Variants in GYPC observed in about 807,000 individuals in gnomAD.
GYPC encodes the protein glycophorin C (Gerbich blood group), also known as glycophorin-C.
A neutral mutation model predicts 12.6 loss-of-function variants in GYPC; 14 were observed. The observed-to-expected ratio is 1.11, with a 90% CI of 0.74 to 1.74. The LOEUF is 1.74. GYPC is among the 40% of genes most tolerant of loss of function. The pLI is 0.00. For missense variants in GYPC, 225 were observed against 172.1 expected, an observed-to-expected ratio of 1.31 and a Z score of -1.72; for synonymous variants, 78 against 62.1, an observed-to-expected ratio of 1.26 and a Z score of -1.20.
At chr2:126,682,600 C>T (rs772670088) in intron 1 of GYPC, among the ~76,000 whole-genome samples, 1 of 152,194 alleles carries the variant, frequency 6.6e-6, no homozygotes, top group Non-Finnish European at 1.5e-5. Flanking sequence ...TCTCCTTCCA[C>T]TTCCGCTGTG....
intron 1 of GYPC, among the ~76,000 whole-genome samples, chr2:126,665,322 T>A (rs1682648479): frequency 6.6e-6 from 1 of 152,222 alleles, no homozygotes; most frequent in Non-Finnish European, 1.5e-5. Context: ...TTTACTTCAT[T>A]ATTCATTGTT....
At chr2:126,686,735 T>C (rs1180533155) in intron 1 of GYPC, 1 of 977,290 alleles carries the variant, frequency 1.0e-6, no homozygotes, top group Admixed American at 6.1e-5. Context: ...TTCCAAAAAA[T>C]AGGTCCTCTC....
chr2:126,666,708 TACACAC>T (rs67904410), intron 1 of GYPC, among the ~76,000 whole-genome samples: 1,776 of 118,522 alleles, frequency 0.015, 69 homozygotes, highest in African/African-American at 0.052. Context: ...CCTCCCTCCC[TACACAC>T]ACACACACAC....
At chr2:126,695,706 G>A (rs1264136003) in intron 3 of GYPC, among the ~76,000 whole-genome samples, 1 of 152,212 alleles carries the variant, frequency 6.6e-6, no homozygotes, top group Admixed American at 6.5e-5. Context: ...GCCTGCTTAA[G>A]GTAGGCTAGG....
chr2:126,693,581 G>T (rs576159285), intron 2 of GYPC, among the ~76,000 whole-genome samples: 1 of 152,178 alleles, frequency 6.6e-6, no homozygotes, highest in Non-Finnish European at 1.5e-5. Context: ...ACCACGTGCA[G>T]CACCACTCTC....
chr2:126,664,194 A>C (rs535474042), intron 1 of GYPC, among the ~76,000 whole-genome samples: 1 of 152,182 alleles, frequency 6.6e-6, no homozygotes, highest in South Asian at 2.1e-4. Flanking sequence ...CCCTTTTTAA[A>C]AAATTTTCAT....
intron 1 of GYPC, among the ~76,000 whole-genome samples, chr2:126,666,848 C>T (rs1217137156): frequency 2.6e-5 from 4 of 152,140 alleles, no homozygotes; most frequent in Non-Finnish European, 5.9e-5. Context: ...AGCCCCAGAC[C>T]TGAGGCAGAC....
At position 126,690,142 on chromosome 2, in the gene GYPC, A is replaced by G. The variant is rs28387202; in HGVS notation, c.50-113A>G. The stretch of plus-strand genomic sequence containing the variant: ...GCACCACACTGTCTCTGTCCACTTG[A>G]ACCCATTCTCAGAGCTGCTCACACC... On this transcript the variant is annotated intron_variant, in intron 1 of 3. Transcript: ENST00000259254. The G allele has an allele frequency of 2.4e-4, 191 of 803,702 alleles. 1 individual carries two copies. The African/African-American group carries it at 2.4e-3, about 10-fold the overall frequency. 49.8% of individuals were successfully genotyped at this position (803,702 alleles called of 1,614,324 possible). A position where few individuals can be genotyped will look rare whatever the true frequency, so the allele number is the denominator to read the frequency against.
At chr2:126,662,413 C>G (rs527936578) in intron 1 of GYPC, among the ~76,000 whole-genome samples, 1 of 152,172 alleles carries the variant, frequency 6.6e-6, no homozygotes. Flanking sequence ...TTTCTTAAAC[C>G]TTTAGCTCAA....
At chr2:126,691,440 T>A (rs1223521009) in intron 2 of GYPC, among the ~76,000 whole-genome samples, 1 of 152,080 alleles carries the variant, frequency 6.6e-6, no homozygotes, top group African/African-American at 2.4e-5. Flanking sequence ...CCTCTCCCAC[T>A]TCAGTCCTTT....
intron 1 of GYPC, among the ~76,000 whole-genome samples, chr2:126,671,963 A>T (rs574573367): frequency 2.0e-4 from 30 of 152,182 alleles, no homozygotes; most frequent in Non-Finnish European, 3.4e-4. Flanking sequence ...TGATCCAGAC[A>T]TGGGGCCATC....
chr2:126,684,705 A>T (rs1318570806), intron 1 of GYPC, among the ~76,000 whole-genome samples: 1 of 152,212 alleles, frequency 6.6e-6, no homozygotes, highest in Non-Finnish European at 1.5e-5. Flanking sequence ...GGAGCGTAGA[A>T]GGTGCTACAA....
At chr2:126,665,254 TGA>T (rs28387107) in intron 1 of GYPC, among the ~76,000 whole-genome samples, 5 of 151,494 alleles carry the variant, frequency 3.3e-5, no homozygotes, top group African/African-American at 9.7e-5. Context: ...AGTAAGATAC[TGA>T]GAGAGAGAGA....
chr2:126,693,950 G>A lies in GYPC; in HGVS notation c.190+3G>A, dbSNP rs1018822123. The stretch of plus-strand genomic sequence containing the variant: ...AATGGACATTGTCGTCATTGCAGGT[G>A]AGCTCTCATCACAGAGCCCTTCAAG... On this transcript the variant is annotated splice_donor_region_variant and intron_variant, in intron 3 of 3. Coordinates refer to ENST00000259254, the MANE Select transcript of GYPC (RefSeq NM_002101.5). The A allele has an allele frequency of 1.9e-6, 3 of 1,595,706 alleles. No homozygotes were observed. The highest frequency in any genetic ancestry group is 1.3e-5 in the African/African-American group (1 of 74,510).
intron 1 of GYPC, among the ~76,000 whole-genome samples, chr2:126,681,961 C>T (rs761375980): frequency 7.2e-5 from 11 of 152,330 alleles, no homozygotes; most frequent in Non-Finnish European, 1.5e-4. Context: ...CTGAGCCTGG[C>T]AGATGGGTGA....
intron 1 of GYPC, among the ~76,000 whole-genome samples, chr2:126,677,643 C>T (rs1490841473): frequency 4.7e-5 from 7 of 149,346 alleles, no homozygotes; most frequent in Non-Finnish European, 1.0e-4. Context: ...ATGTGCCGGG[C>T]AACACCCCGA....
chr2:126,661,884 C>T (rs1404104838), intron 1 of GYPC, among the ~76,000 whole-genome samples: 1 of 152,226 alleles, frequency 6.6e-6, no homozygotes, highest in Non-Finnish European at 1.5e-5. Context: ...GTAGAGCCAG[C>T]CCTGGGCAGG....
At chr2:126,673,924 C>T (rs549959830) in intron 1 of GYPC, among the ~76,000 whole-genome samples, 28 of 152,228 alleles carry the variant, frequency 1.8e-4, no homozygotes, top group African/African-American at 6.5e-4. Flanking sequence ...TGAGCTTGGA[C>T]CCTATGCGAC....
intron 1 of GYPC, among the ~76,000 whole-genome samples, chr2:126,669,826 T>A (rs1682794864): frequency 1.3e-5 from 2 of 152,058 alleles, no homozygotes; most frequent in South Asian, 4.1e-4. Context: ...TCCTGGAGGC[T>A]TTTGTCCTCT....
Sources: allele counts gnomAD v4.1 joint callset (sites outside exome capture counted in the v4.1 genomes callset), GRCh38; gene constraint gnomAD v4.1.1; transcripts MANE v1.5; gene names NCBI Gene and HGNC (gene_info 2026-07-23, HGNC 2026-07-21).